The following MARCHF11 variants were observed in gnomAD, a reference collection of about 807,000 sequenced individuals.
The protein encoded by MARCHF11 is membrane associated ring-CH-type finger 11.
In MARCHF11, 29 loss-of-function variants were observed where a neutral mutation model predicts 37.3. The observed-to-expected ratio is 0.78, with a 90% CI of 0.58 to 1.06. MARCHF11 has a LOEUF of 1.06. Among genes scored for constraint, MARCHF11 ranks in the 50% least tolerant of loss-of-function variants. The probability of loss-of-function intolerance (pLI) is 0.00; values close to 1 mark genes in which losing one functional copy is unlikely to be tolerated. For synonymous variants in MARCHF11, 233 were observed against 228.0 expected (o/e 1.02, Z -0.20); for missense variants, 482 against 533.4 (o/e 0.90, Z 0.95).
intron 3 of MARCHF11, among the ~76,000 whole-genome samples, chr5:16,090,247 C>T (rs541374442): frequency 6.6e-5 from 10 of 152,286 alleles, no homozygotes; most frequent in African/African-American, 2.4e-4. Flanking sequence ...CGTTTTCTCA[C>T]AGTACTAGGG....
intron 2 of MARCHF11, among the ~76,000 whole-genome samples, chr5:16,096,211 G>T (rs766575122): frequency 6.6e-6 from 1 of 152,210 alleles, no homozygotes; most frequent in Non-Finnish European, 1.5e-5. Context: ...GGCAATGGAA[G>T]AAATTCAACA....
intron 2 of MARCHF11, among the ~76,000 whole-genome samples, chr5:16,128,803 A>G (rs986576370): frequency 6.6e-6 from 1 of 152,192 alleles, no homozygotes. Flanking sequence ...TGTGTCATTC[A>G]AAGTCCATAA....
intron 3 of MARCHF11, among the ~76,000 whole-genome samples, chr5:16,069,191 A>C (rs560612200): frequency 6.6e-6 from 1 of 152,326 alleles, no homozygotes; most frequent in Admixed American, 6.5e-5. Flanking sequence ...TACCTCTGAA[A>C]CCATAATGAC....
At position 16,179,507 on chromosome 5, in the gene MARCHF11, G is replaced by T; in HGVS notation, c.69C>A (p.Pro23=). Residue 23 remains proline, a synonymous_variant, in exon 1 of 4, where the codon CCC becomes CCA. Transcript: ENST00000332432. ...GCGGCGGCGGCGGGGGAGGTTGCGG[G>T]GGAGGCTCGGCGTCCCCGCTCTCCG... ...RGAESGDAEP[P]PQPPPPPPPT... is the part of the protein sequence containing the mutation. 3 of 1,171,892 alleles carry T rather than the reference G, an allele frequency of 2.6e-6. No homozygotes were observed. Among genetic ancestry groups the T allele is most frequent in the Non-Finnish European group, 2.1e-6 (2 of 949,894 alleles). 72.6% of individuals were successfully genotyped at this position (1,171,892 alleles called of 1,614,324 possible).
At chr5:16,153,857 A>C (rs1226813368) in intron 2 of MARCHF11, among the ~76,000 whole-genome samples, 2 of 151,940 alleles carry the variant, frequency 1.3e-5, no homozygotes, top group Non-Finnish European at 2.9e-5. Context: ...GCAACTTCTG[A>C]GAAATAACCT....
chr5:16,116,628 G>A (rs1324674936), intron 2 of MARCHF11, among the ~76,000 whole-genome samples: 3 of 151,552 alleles, frequency 2.0e-5, no homozygotes, highest in Non-Finnish European at 4.4e-5. Flanking sequence ...TTAATCTTAG[G>A]CTACTGGGAT....
chr5:16,152,059 A>G (rs1561637), intron 2 of MARCHF11, among the ~76,000 whole-genome samples: 12,369 of 151,976 alleles, frequency 0.081, 1,341 homozygotes, highest in African/African-American at 0.25. Context: ...TAATATTAAT[A>G]GCTATATTTC....
intron 2 of MARCHF11, among the ~76,000 whole-genome samples, chr5:16,148,090 T>C (rs1056431275): frequency 3.9e-5 from 6 of 152,112 alleles, no homozygotes; most frequent in African/African-American, 1.4e-4. Context: ...TATTATGCAC[T>C]TTGGGAAATT....
intron 2 of MARCHF11, among the ~76,000 whole-genome samples, chr5:16,112,332 C>A (rs1179655685): frequency 1.3e-5 from 2 of 152,188 alleles, no homozygotes; most frequent in African/African-American, 4.8e-5. Context: ...AGGGAAAGAG[C>A]CGACCAAGGC....
In MARCHF11 at chr5:16,155,892, T is replaced by C. The variant is rs114125876; in HGVS notation, c.693+21834A>G. The stretch of plus-strand genomic sequence containing the variant: ...TCTGAGCTCACCAAAAGTTCAGCCG[T>C]AGTCAGCCTGTGAAACTGCACTTTC... On this transcript the variant is annotated intron_variant, in intron 2 of 3. Coordinates refer to ENST00000332432, the MANE Select transcript of MARCHF11 (RefSeq NM_001102562.3). Among the ~76,000 whole-genome samples the C allele has an allele frequency of 7.1e-3, 1,080 of 152,036 alleles. 9 individuals are homozygous for C. The highest frequency in any genetic ancestry group is 0.024 in the African/African-American group (1,001 of 41,530).
At chr5:16,170,039 A>G (rs1340077954) in intron 2 of MARCHF11, among the ~76,000 whole-genome samples, 1 of 152,156 alleles carries the variant, frequency 6.6e-6, no homozygotes, top group Non-Finnish European at 1.5e-5. Context: ...GGGTTTGAGT[A>G]TTGTATTCAC....
At chr5:16,097,333 A>G (rs1253089007) in intron 2 of MARCHF11, among the ~76,000 whole-genome samples, 1 of 152,206 alleles carries the variant, frequency 6.6e-6, no homozygotes, top group Non-Finnish European at 1.5e-5. Context: ...ATGATTTGGT[A>G]TGAGTCTTTT....
intron 2 of MARCHF11, among the ~76,000 whole-genome samples, chr5:16,114,602 T>C (rs1312755446): frequency 6.6e-6 from 1 of 152,056 alleles, no homozygotes; most frequent in Admixed American, 6.5e-5. Context: ...GCCCAACCAG[T>C]AGGATCAGAG....
At chr5:16,122,232 C>A (rs185146789) in intron 2 of MARCHF11, among the ~76,000 whole-genome samples, 43 of 152,234 alleles carry the variant, frequency 2.8e-4, no homozygotes, top group Non-Finnish European at 4.7e-4. Context: ...ATCACACTTT[C>A]CCAGGGAAAG....
At chr5:16,148,551 T>A (rs1728089854) in intron 2 of MARCHF11, among the ~76,000 whole-genome samples, 1 of 152,180 alleles carries the variant, frequency 6.6e-6, no homozygotes, top group African/African-American at 2.4e-5. Flanking sequence ...GACCCTTTCA[T>A]TGCCTGTCCC....
chr5:16,097,567 C>A (rs138697017), intron 2 of MARCHF11, among the ~76,000 whole-genome samples: 1 of 152,162 alleles, frequency 6.6e-6, no homozygotes, highest in African/African-American at 2.4e-5. Flanking sequence ...CTACAAATAG[C>A]TGTATGCTCA....
At chr5:16,079,990 T>C (rs1736580691) in intron 3 of MARCHF11, among the ~76,000 whole-genome samples, 1 of 152,094 alleles carries the variant, frequency 6.6e-6, no homozygotes, top group East Asian at 1.9e-4. Context: ...TTCTTCTGGG[T>C]CTTTCTTTTC....
At chr5:16,102,097 G>T (rs1736967304) in intron 2 of MARCHF11, among the ~76,000 whole-genome samples, 4 of 152,198 alleles carry the variant, frequency 2.6e-5, no homozygotes, top group Admixed American at 2.6e-4. Context: ...TAGAACAATT[G>T]TATGTTGATG....
chr5:16,078,050 T>C (rs1259922794), intron 3 of MARCHF11, among the ~76,000 whole-genome samples: 1 of 152,254 alleles, frequency 6.6e-6, no homozygotes, highest in Non-Finnish European at 1.5e-5. Context: ...TAGCTTCACT[T>C]TATTGTTTAT....
Sources: allele counts gnomAD v4.1 joint callset (sites outside exome capture counted in the v4.1 genomes callset), GRCh38; gene constraint gnomAD v4.1.1; transcripts MANE v1.5; gene names NCBI Gene and HGNC (gene_info 2026-07-23, HGNC 2026-07-21).